ARL15: variants seen among roughly 807,000 people sequenced by gnomAD.
ARL15 encodes ADP-ribosylation factor-like protein 15.
Under a neutral mutation model 25.2 loss-of-function variants are expected in ARL15, and 19 were observed. The ratio of observed to expected loss-of-function variants is 0.75; its 90% CI spans 0.53 to 1.10. ARL15 has a LOEUF of 1.10. Among genes scored for constraint, ARL15 ranks in the 50% least tolerant of loss-of-function variants. ARL15 has a pLI of 0.00. For synonymous variants in ARL15, 94 were observed against 86.8 expected (o/e 1.08, Z -0.46); for missense variants, 220 against 246.0 (o/e 0.89, Z 0.71).
chr5:53,914,352 C>T (rs1482453514), intron 4 of ARL15, among the ~76,000 whole-genome samples: 19 of 152,108 alleles, frequency 1.2e-4, no homozygotes, highest in Non-Finnish European at 1.5e-5. Flanking sequence ...CTACTTGAAA[C>T]TATGCCTTAA....
At chr5:54,217,200 CTTT>C (rs59849804) in intron 1 of ARL15, among the ~76,000 whole-genome samples, 63 of 145,222 alleles carry the variant, frequency 4.3e-4, no homozygotes, top group Admixed American at 1.4e-3. Context: ...CAATGCTTTT[CTTT>C]TTTTTTTTTT....
chr5:53,886,478 T>A lies in ARL15; in HGVS notation c.*83A>T. 1.4e-6 allele frequency: 2 copies of A among 1,445,496 alleles called. No homozygotes were observed. Among genetic ancestry groups the A allele is most frequent in the Non-Finnish European group, 1.8e-6 (2 of 1,085,104 alleles). 89.5% of individuals were successfully genotyped at this position (1,445,496 alleles called of 1,614,324 possible). A position where few individuals can be genotyped will look rare whatever the true frequency, so the allele number is the denominator to read the frequency against. On this transcript the variant is annotated 3_prime_UTR_variant, in exon 5 of 5. Transcript: ENST00000504924. ...AAAATAGATACTGAAGCCAATATAG[T>A]CTTGATACCAAAATAAAATTAAAAT...
intron 3 of ARL15, among the ~76,000 whole-genome samples, chr5:54,152,425 CT>C (rs1333832146): frequency 5.9e-5 from 9 of 152,256 alleles, no homozygotes; most frequent in African/African-American, 2.2e-4. Flanking sequence ...GAGGAAATGA[CT>C]TAGTGAATGA....
At chr5:54,105,343 C>T (rs1304836103) in intron 4 of ARL15, among the ~76,000 whole-genome samples, 2 of 151,978 alleles carry the variant, frequency 1.3e-5, no homozygotes, top group Non-Finnish European at 2.9e-5. Flanking sequence ...ATAATATTAA[C>T]ATACAGATCT....
intron 1 of ARL15, among the ~76,000 whole-genome samples, chr5:54,239,234 T>A (rs1756890538): frequency 4.0e-5 from 1 of 25,228 alleles, no homozygotes; most frequent in Non-Finnish European, 1.5e-4. Flanking sequence ...GAATGCCATT[T>A]TTTTTTTTTT....
intron 1 of ARL15, among the ~76,000 whole-genome samples, chr5:54,253,498 A>G (rs1294555764): frequency 6.6e-6 from 1 of 152,210 alleles, no homozygotes; most frequent in African/African-American, 2.4e-5. Context: ...ACTCAATTCA[A>G]ACACAAGTGG....
At chr5:54,214,453 C>T (rs1756126986) in intron 1 of ARL15, among the ~76,000 whole-genome samples, 1 of 152,138 alleles carries the variant, frequency 6.6e-6, no homozygotes, top group African/African-American at 2.4e-5. Flanking sequence ...TTTTTCCCTA[C>T]ATATTGTCCT....
At chr5:54,129,866 T>C (rs532932924) in intron 3 of ARL15, among the ~76,000 whole-genome samples, 127 of 152,338 alleles carry the variant, frequency 8.3e-4, no homozygotes, top group African/African-American at 2.9e-3. Flanking sequence ...TTTTAAAACA[T>C]AGCCAAAGTA....
At chr5:54,181,496 C>A (rs923808282) in intron 1 of ARL15, among the ~76,000 whole-genome samples, 5 of 152,198 alleles carry the variant, frequency 3.3e-5, no homozygotes, top group African/African-American at 1.2e-4. Flanking sequence ...TACAGCAAAT[C>A]TCTTTTTTTG....
chr5:54,227,232 A>C (rs529534680), intron 1 of ARL15, among the ~76,000 whole-genome samples: 2 of 152,242 alleles, frequency 1.3e-5, no homozygotes, highest in East Asian at 3.9e-4. Flanking sequence ...GTCTGAGCTC[A>C]CCTTCTCCCT....
At chr5:54,056,491 A>T (rs1206333452) in intron 4 of ARL15, among the ~76,000 whole-genome samples, 1 of 151,762 alleles carries the variant, frequency 6.6e-6, no homozygotes, top group Non-Finnish European at 1.5e-5. Context: ...TCAGCTGGGC[A>T]TGCTGGCGTG....
intron 4 of ARL15, among the ~76,000 whole-genome samples, chr5:53,934,087 A>T (rs1207798806): frequency 6.6e-6 from 1 of 152,232 alleles, no homozygotes; most frequent in Non-Finnish European, 1.5e-5. Flanking sequence ...AGACTTTCTG[A>T]TAGATGTTTA....
At chr5:54,198,770 T>G (rs2112476449) in intron 1 of ARL15, among the ~76,000 whole-genome samples, 1 of 151,336 alleles carries the variant, frequency 6.6e-6, no homozygotes, top group South Asian at 2.1e-4. Flanking sequence ...TACCAAAGAC[T>G]TTCTTCACAG....
intron 4 of ARL15, among the ~76,000 whole-genome samples, chr5:54,067,533 C>G (rs1579759779): frequency 6.6e-6 from 1 of 152,148 alleles, no homozygotes; most frequent in East Asian, 1.9e-4. Flanking sequence ...AAAATATGTA[C>G]AGGAAGAACC....
At chr5:54,193,175 C>A (rs1238503092) in intron 1 of ARL15, among the ~76,000 whole-genome samples, 1 of 152,146 alleles carries the variant, frequency 6.6e-6, no homozygotes, top group Non-Finnish European at 1.5e-5. Context: ...AATCCTACCA[C>A]CCACAAAAGA....
intron 4 of ARL15, among the ~76,000 whole-genome samples, chr5:53,915,658 C>T (rs780958777): frequency 6.6e-6 from 1 of 152,152 alleles, no homozygotes; most frequent in African/African-American, 2.4e-5. Context: ...ATTCCAGCTG[C>T]TACACTATTC....
At chr5:54,079,523 T>A (rs1423059442) in intron 4 of ARL15, among the ~76,000 whole-genome samples, 1 of 152,158 alleles carries the variant, frequency 6.6e-6, no homozygotes, top group Non-Finnish European at 1.5e-5. Flanking sequence ...TAAGATATAT[T>A]GATGAGAAAA....
chr5:54,166,688 C>T (rs1342755740), intron 2 of ARL15, among the ~76,000 whole-genome samples: 1 of 152,134 alleles, frequency 6.6e-6, no homozygotes, highest in East Asian at 1.9e-4. Context: ...GCTGGATGCT[C>T]TTTGCATTTT....
At chr5:54,294,882 T>C (rs1758426400) in intron 1 of ARL15, among the ~76,000 whole-genome samples, 1 of 152,230 alleles carries the variant, frequency 6.6e-6, no homozygotes, top group Non-Finnish European at 1.5e-5. Flanking sequence ...TTAAGCACTC[T>C]GGATTTGGGG....
Sources: allele counts gnomAD v4.1 joint callset (sites outside exome capture counted in the v4.1 genomes callset), GRCh38; gene constraint gnomAD v4.1.1; transcripts MANE v1.5; gene names NCBI Gene and HGNC (gene_info 2026-07-23, HGNC 2026-07-21).